The following HHLA2 variants were observed in gnomAD, a reference collection of about 807,000 sequenced individuals.
The protein encoded by HHLA2 is HHLA2 member of B7 family.
A neutral mutation model predicts 45.9 loss-of-function variants in HHLA2; 48 were observed. The ratio of observed to expected loss-of-function variants is 1.05; its 90% CI spans 0.83 to 1.33. The LOEUF (loss-of-function observed/expected upper bound fraction) is 1.33, where lower values mean the gene tolerates loss of function less well. Ranked by LOEUF, HHLA2 falls within the 40% of genes most tolerant of loss-of-function variation. The pLI is 0.00. For synonymous variants in HHLA2, 161 were observed against 173.9 expected (o/e 0.93, Z 0.59); for missense variants, 462 against 494.3 (o/e 0.93, Z 0.62).
chr3:108,337,527 A>C (rs1019601137), intron 3 of HHLA2, among the ~76,000 whole-genome samples: 4 of 152,138 alleles, frequency 2.6e-5, no homozygotes, highest in Non-Finnish European at 4.4e-5. Flanking sequence ...GTACCGTCAA[A>C]GTTGAATGAA....
In HHLA2 at chr3:108,340,935, CCTTCCTTCCTTCCTTT is replaced by C. The variant is rs755937113; in HGVS notation, c.-26-10849_-26-10834del. On this transcript the variant is annotated intron_variant, in intron 3 of 10. Transcript: ENST00000619531. ...TCCTTCCTTCCTTCCTTCCTTCCTT[CCTTCCTTCCTTCCTTT>C]CTTTCTTTCTTTTCTTTCTTTCATG... Among the ~76,000 whole-genome samples the C allele has an allele frequency of 7.6e-3, 852 of 112,640 alleles. 12 individuals are homozygous for C. The highest frequency in any genetic ancestry group is 0.011 in the Non-Finnish European group (639 of 56,708). 73.9% of individuals were successfully genotyped at this position (112,640 alleles called of 152,430 possible).
At chr3:108,357,508 A>T (rs1405269664) in intron 6 of HHLA2, among the ~76,000 whole-genome samples, 1 of 152,168 alleles carries the variant, frequency 6.6e-6, no homozygotes, top group Non-Finnish European at 1.5e-5. Context: ...GGCCAAGAGA[A>T]GGAGAACATT....
At chr3:108,370,622 C>G (rs929743996) in intron 8 of HHLA2, among the ~76,000 whole-genome samples, 1 of 152,078 alleles carries the variant, frequency 6.6e-6, no homozygotes, top group Non-Finnish European at 1.5e-5. Context: ...CAATGCAGAG[C>G]AGTCCTTAAA....
chr3:108,362,476 G>A (rs779232472), intron 8 of HHLA2, 30 bp downstream of exon 7: 110 of 1,379,754 alleles, frequency 8.0e-5, no homozygotes, highest in Non-Finnish European at 8.9e-5. Flanking sequence ...TCTGCCCCAC[G>A]TGTTCCACAT....
chr3:108,376,628 C>A, intron 10 of HHLA2, 71 bp downstream of exon 9: 1 of 1,314,234 alleles, frequency 7.6e-7, no homozygotes, highest in South Asian at 1.3e-5. Context: ...AATTGAAGTT[C>A]TGACTGATTC....
At chr3:108,325,498 G>T in intron 2 of HHLA2, 1 of 347,884 alleles carries the variant, frequency 2.9e-6, no homozygotes, top group Non-Finnish European at 5.6e-6. Context: ...TTGCTTCCTG[G>T]CAGTAATTAA....
chr3:108,362,200 A>G (rs543184106), intron 7 of HHLA2, 142 bp from the exon 7 acceptor site: 6 of 629,352 alleles, frequency 9.5e-6, no homozygotes, highest in Non-Finnish European at 1.4e-5. Context: ...GTGTTTTCAT[A>G]TGAATTCAGC....
At chr3:108,328,226 C>A in intron 2 of HHLA2, 8 of 855,778 alleles carry the variant, frequency 9.3e-6, no homozygotes, top group Non-Finnish European at 1.4e-5. Flanking sequence ...TCATCTGGGG[C>A]ATTGATACTC....
At chr3:108,307,367 G>A (rs1045370114) in intron 1 of HHLA2, among the ~76,000 whole-genome samples, 9 of 152,106 alleles carry the variant, frequency 5.9e-5, no homozygotes, top group African/African-American at 1.9e-4. Context: ...CAGGCGTGGT[G>A]GCTCACGGCT....
chr3:108,307,634 C>CA (rs554619443), intron 1 of HHLA2, among the ~76,000 whole-genome samples: 11,115 of 130,898 alleles, frequency 0.085, 507 homozygotes, highest in Non-Finnish European at 0.11. Flanking sequence ...AACTCTGTCT[C>CA]AAAAAAAAAA....
chr3:108,368,179 G>A (rs1032854869), intron 8 of HHLA2, among the ~76,000 whole-genome samples: 1 of 151,916 alleles, frequency 6.6e-6, no homozygotes, highest in African/African-American at 2.4e-5. Context: ...GTCACCACTA[G>A]GCCTGCCTTA....
At chr3:108,347,670 G>A (rs1333647243) in intron 3 of HHLA2, among the ~76,000 whole-genome samples, 10 of 152,144 alleles carry the variant, frequency 6.6e-5, no homozygotes, top group African/African-American at 1.4e-4. Context: ...GTAACCAGCC[G>A]AATGCGTATT....
intron 1 of HHLA2, among the ~76,000 whole-genome samples, chr3:108,303,999 G>C (rs115448196): frequency 6.6e-6 from 1 of 152,120 alleles, no homozygotes; most frequent in Non-Finnish European, 1.5e-5. Flanking sequence ...CTCATTTTTG[G>C]ACCTACTGAA....
chr3:108,326,823 T>C (rs990751860), intron 2 of HHLA2: 4 of 152,374 alleles, frequency 2.6e-5, no homozygotes, highest in Non-Finnish European at 4.4e-5. Flanking sequence ...ATGGCTGCTA[T>C]GGAAAGAGAG....
Position 108,307,843 on chromosome 3 carries a change from G to A in HHLA2, c.-191-2812G>A, listed in dbSNP as rs566732265. ...AATCCAGAATACCACAATGCATTTAGTAATTAGGTCTTTTTTTTTATTTTC... is the reference window on the plus strand; with the variant it reads ...AATCCAGAATACCACAATGCATTTAATAATTAGGTCTTTTTTTTTATTTTC... On this transcript the variant is annotated intron_variant, in intron 1 of 10. Coordinates refer to ENST00000619531, the Ensembl canonical transcript of HHLA2. Among the ~76,000 whole-genome samples, 4 of 152,128 alleles carry A rather than the reference G, an allele frequency of 2.6e-5. No homozygotes were observed. The East Asian group carries it at 5.8e-4, about 22-fold the overall frequency.
chr3:108,327,959 C>G (rs550546329), intron 2 of HHLA2, among the ~76,000 whole-genome samples: 14 of 152,042 alleles, frequency 9.2e-5, no homozygotes, highest in Admixed American at 4.6e-4. Flanking sequence ...GTGGTGAAAC[C>G]CTGTCCCTAC....
At chr3:108,364,029 G>A (rs946756178) in intron 8 of HHLA2, among the ~76,000 whole-genome samples, 6 of 151,594 alleles carry the variant, frequency 4.0e-5, no homozygotes, top group South Asian at 2.1e-4. Flanking sequence ...TGAACATGCA[G>A]GTTTGTTACA....
At chr3:108,298,100 A>G (rs2080792861) in intron 1 of HHLA2, among the ~76,000 whole-genome samples, 1 of 152,168 alleles carries the variant, frequency 6.6e-6, no homozygotes, top group Admixed American at 6.5e-5. Flanking sequence ...CCCTTTTCCA[A>G]GTATCTGCAT....
intron 1 of HHLA2, among the ~76,000 whole-genome samples, chr3:108,307,881 T>C (rs2080956560): frequency 6.6e-6 from 1 of 152,186 alleles, no homozygotes; most frequent in African/African-American, 2.4e-5. Context: ...TTTTAATTTT[T>C]GTGGGTACAT....
Sources: allele counts gnomAD v4.1 joint callset (sites outside exome capture counted in the v4.1 genomes callset), GRCh38; gene constraint gnomAD v4.1.1; transcripts MANE v1.5; gene names NCBI Gene and HGNC (gene_info 2026-07-23, HGNC 2026-07-21).